The following ASTN2 variants were observed in gnomAD, a reference collection of about 807,000 sequenced individuals.
ASTN2 encodes astrotactin-2.
In ASTN2, 54 loss-of-function variants were observed where a neutral mutation model predicts 139.8. The observed-to-expected ratio is 0.39, with a 90% CI of 0.31 to 0.48. The LOEUF (loss-of-function observed/expected upper bound fraction) is 0.48. ASTN2 is among the 20% of genes least tolerant of loss of function. The pLI, the probability that ASTN2 is intolerant of heterozygous loss-of-function variation, is 0.95. For synonymous variants in ASTN2, 756 were observed against 719.5 expected (o/e 1.05, Z -0.81); for missense variants, 1,565 against 1,725.1 (o/e 0.91, Z 1.64).
chr9:117,310,742 G>A (rs6478303), intron 1 of ASTN2, among the ~76,000 whole-genome samples: 1 of 151,788 alleles, frequency 6.6e-6, no homozygotes, highest in Non-Finnish European at 1.5e-5. Flanking sequence ...AACAATCCTC[G>A]CACCTCAGCC....
Position 116,847,533 on chromosome 9 carries a change from T to C in ASTN2, c.2040+16050A>G, listed in dbSNP as rs573533850. Reference sequence around the variant, plus strand: ...ATACCTATCTGGTGATGATAATAAATAGCCTTTGTGTAGCTCATTAATAAT... The same window carrying C: ...ATACCTATCTGGTGATGATAATAAACAGCCTTTGTGTAGCTCATTAATAAT... On this transcript the variant is annotated intron_variant, in intron 11 of 22. Transcript: ENST00000313400. Among the ~76,000 whole-genome samples, 35 of 152,368 alleles carry C rather than the reference T, an allele frequency of 2.3e-4. No homozygotes were observed. The Middle Eastern group carries it at 0.01, about 44-fold the overall frequency.
chr9:117,262,423 T>TTTTA (rs1554713369), intron 2 of ASTN2, among the ~76,000 whole-genome samples: 13 of 151,772 alleles, frequency 8.6e-5, no homozygotes, highest in Non-Finnish European at 1.5e-4. Flanking sequence ...ATTTATTTTT[T>TTTTA]ATCTCCTTAG....
At chr9:117,396,626 C>G (rs1830683227) in intron 1 of ASTN2, among the ~76,000 whole-genome samples, 1 of 152,034 alleles carries the variant, frequency 6.6e-6, no homozygotes, top group African/African-American at 2.4e-5. Context: ...AGTGCAGTGG[C>G]CTGATCTTGG....
intron 20 of ASTN2, among the ~76,000 whole-genome samples, chr9:116,477,761 C>G (rs1318470501): frequency 6.7e-6 from 1 of 149,824 alleles, no homozygotes; most frequent in Non-Finnish European, 1.5e-5. Context: ...TGGCTCACGC[C>G]TGTAATCCCA....
At chr9:116,586,814 A>T (rs1282242148) in intron 19 of ASTN2, among the ~76,000 whole-genome samples, 1 of 74,834 alleles carries the variant, frequency 1.3e-5, no homozygotes, top group Non-Finnish European at 2.8e-5. Context: ...GTTGAAATTC[A>T]CACACACACA....
At chr9:116,436,120 C>T (rs1173901184) in intron 22 of ASTN2, among the ~76,000 whole-genome samples, 1 of 152,208 alleles carries the variant, frequency 6.6e-6, no homozygotes, top group Non-Finnish European at 1.5e-5. Flanking sequence ...AGCACACGGC[C>T]TGACACATAG....
At position 116,707,942 on chromosome 9, in the gene ASTN2, A is replaced by G. The variant is rs78249339; in HGVS notation, c.2806+17829T>C. Among the ~76,000 whole-genome samples, 2,919 of 152,252 alleles carry G rather than the reference A, an allele frequency of 0.019. 398 individuals carry two copies. In the South Asian group the frequency reaches 0.29, roughly 15 times the overall value. On this transcript the variant is annotated intron_variant, in intron 16 of 22. Coordinates refer to ENST00000313400, the MANE Select transcript of ASTN2 (RefSeq NM_001365068.1). ...ACTATTGCCCTGCCTAAATTCCCCCATAGCCATAGCACCCATTAACTTAAA... is the reference window on the plus strand; with the variant it reads ...ACTATTGCCCTGCCTAAATTCCCCCGTAGCCATAGCACCCATTAACTTAAA...
chr9:117,144,878 T>C (rs1830159573), intron 3 of ASTN2, among the ~76,000 whole-genome samples: 2 of 151,742 alleles, frequency 1.3e-5, no homozygotes, highest in Admixed American at 1.3e-4. Flanking sequence ...AGGTGGGGTT[T>C]CATTATGTTG....
chr9:117,220,964 T>G (rs183322202), intron 2 of ASTN2, among the ~76,000 whole-genome samples: 1,670 of 152,324 alleles, frequency 0.011, 13 homozygotes, highest in Non-Finnish European at 0.018. Flanking sequence ...ATCATCTGTT[T>G]GACCATTTTC....
chr9:117,392,733 T>C (rs1356183109), intron 1 of ASTN2, among the ~76,000 whole-genome samples: 1 of 152,152 alleles, frequency 6.6e-6, no homozygotes, highest in Non-Finnish European at 1.5e-5. Flanking sequence ...GTCTTGGAAG[T>C]TTTCTTCTGA....
At chr9:117,012,210 C>A (rs530639037) in intron 6 of ASTN2, among the ~76,000 whole-genome samples, 1 of 152,280 alleles carries the variant, frequency 6.6e-6, no homozygotes, top group East Asian at 1.9e-4. Context: ...ATTTTTCCAT[C>A]CTGTGAGAGC....
At position 116,503,320 on chromosome 9, in the gene ASTN2, G is replaced by T. The variant is rs75566031; in HGVS notation, c.3356-15820C>A. Among the ~76,000 whole-genome samples, 567 of 152,044 alleles carry T rather than the reference G, an allele frequency of 3.7e-3. 13 individuals are homozygous for T. The East Asian group carries it at 0.083, about 22-fold the overall frequency. ...GGGGCAGATGATCTGGGAGGAGGAG[G>T]GGGGGAGAGTGAGAGGGTGACTGGC... On this transcript the variant is annotated intron_variant, in intron 19 of 22. Coordinates refer to ENST00000313400, the MANE Select transcript of ASTN2 (RefSeq NM_001365068.1).
Position 117,194,912 on chromosome 9 carries a change from T to C in ASTN2, c.1015+19446A>G, listed in dbSNP as rs566688443. ...GTGCAGAGAAAAGACAAAGAACACA[T>C]AGAGGTTACCAATCAGTGGAAAGAC... On this transcript the variant is annotated intron_variant, in intron 3 of 22. Coordinates refer to ENST00000313400, the MANE Select transcript of ASTN2 (RefSeq NM_001365068.1). 1.3e-4 allele frequency among the ~76,000 whole-genome samples: 20 copies of C among 152,274 alleles called. 1 individual carries two copies. The highest frequency in any genetic ancestry group is 4.6e-4 in the African/African-American group (19 of 41,558).
intron 22 of ASTN2, among the ~76,000 whole-genome samples, chr9:116,429,077 A>C (rs1341073649): frequency 6.6e-6 from 1 of 152,042 alleles, no homozygotes; most frequent in Non-Finnish European, 1.5e-5. Context: ...AGTGGCTCAC[A>C]CCTGTAATCC....
intron 1 of ASTN2, among the ~76,000 whole-genome samples, chr9:117,405,004 G>A (rs992422553): frequency 2.6e-5 from 4 of 152,162 alleles, no homozygotes; most frequent in Non-Finnish European, 5.9e-5. Context: ...TGGAGAGTAT[G>A]AGACAAGGCC....
chr9:116,503,745 G>A (rs1165289936), intron 19 of ASTN2, among the ~76,000 whole-genome samples: 6 of 152,084 alleles, frequency 3.9e-5, no homozygotes, highest in Non-Finnish European at 7.4e-5. Flanking sequence ...GAGTGTGTTC[G>A]TGTGGTGTAA....
At chr9:116,991,671 CA>C (rs769721481) in intron 7 of ASTN2, among the ~76,000 whole-genome samples, 20 of 151,722 alleles carry the variant, frequency 1.3e-4, no homozygotes, top group African/African-American at 2.2e-4. Flanking sequence ...GGGGCAGAGT[CA>C]GGGGCAGAGC....
intron 13 of ASTN2, among the ~76,000 whole-genome samples, chr9:116,792,112 C>T (rs945688088): frequency 5.9e-5 from 9 of 152,084 alleles, no homozygotes; most frequent in Middle Eastern, 3.4e-3. Flanking sequence ...ACCATAAATA[C>T]GGGGAAAGAT....
intron 19 of ASTN2, among the ~76,000 whole-genome samples, chr9:116,535,160 T>C (rs1851558581): frequency 6.6e-6 from 1 of 152,210 alleles, no homozygotes; most frequent in South Asian, 2.1e-4. Flanking sequence ...TAAAGTCTGT[T>C]TTATCAGAGT....
Sources: allele counts gnomAD v4.1 joint callset (sites outside exome capture counted in the v4.1 genomes callset), GRCh38; gene constraint gnomAD v4.1.1; transcripts MANE v1.5; gene names NCBI Gene and HGNC (gene_info 2026-07-23, HGNC 2026-07-21).